SLCO1A2: variants seen among roughly 807,000 people sequenced by gnomAD.
The protein encoded by SLCO1A2 is OATP-1.
In SLCO1A2, 67 loss-of-function variants were observed where a neutral mutation model predicts 69.0. That is an observed-to-expected ratio of 0.97 (90% confidence interval 0.80 to 1.19). The LOEUF is 1.19. SLCO1A2 is among the 50% of genes most tolerant of loss of function. SLCO1A2 has a pLI of 0.00. For missense variants in SLCO1A2, 787 were observed against 793.7 expected, an observed-to-expected ratio of 0.99 and a Z score of 0.10; for synonymous variants, 260 against 265.9, an observed-to-expected ratio of 0.98 and a Z score of 0.22.
chr12:21,373,628 G>A (rs1202216649), intron 2 of SLCO1A2: 8 of 699,922 alleles, frequency 1.1e-5, no homozygotes, highest in Admixed American at 8.1e-5. Context: ...TATCTTTGAT[G>A]GAACTTCTGA....
At chr12:21,365,361 T>G (rs1237911454) in intron 2 of SLCO1A2, among the ~76,000 whole-genome samples, 3 of 152,214 alleles carry the variant, frequency 2.0e-5, no homozygotes, top group Non-Finnish European at 4.4e-5. Flanking sequence ...AAGCTGAAAC[T>G]GGATCCCTTC....
chr12:21,405,154 A>C (rs1941802679), intron 1 of SLCO1A2, among the ~76,000 whole-genome samples: 2 of 151,540 alleles, frequency 1.3e-5, no homozygotes, highest in East Asian at 3.9e-4. Context: ...GATTGCAAAA[A>C]TTTTCTCCCA....
upstream of SLCO1A2, among the ~76,000 whole-genome samples, chr12:21,400,063 A>C (rs557496230): frequency 1.3e-5 from 2 of 151,726 alleles, no homozygotes; most frequent in African/African-American, 4.8e-5. Context: ...GCACAGCGAA[A>C]GAAACTACCA....
intron 4 of SLCO1A2, among the ~76,000 whole-genome samples, chr12:21,307,892 GAA>G: frequency 6.6e-6 from 1 of 152,064 alleles, no homozygotes; most frequent in East Asian, 1.9e-4. Flanking sequence ...CTTCCCCTTA[GAA>G]CAATTGCTCA....
intron 1 of SLCO1A2, among the ~76,000 whole-genome samples, chr12:21,393,003 T>C (rs1565528913): frequency 6.8e-6 from 1 of 147,222 alleles, no homozygotes. Context: ...AATCTTACTG[T>C]GGCACATTTC....
intron 12 of SLCO1A2, among the ~76,000 whole-genome samples, chr12:21,290,821 C>A (rs1175516927): frequency 2.0e-5 from 3 of 151,846 alleles, no homozygotes; most frequent in Non-Finnish European, 4.4e-5. Context: ...GATTTTAGTA[C>A]AACAAAATTT....
chr12:21,374,507 G>T (rs1389185019), exon 2 of SLCO1A2: 1 of 152,148 alleles, frequency 6.6e-6, no homozygotes, highest in Non-Finnish European at 1.5e-5. Context: ...ATAGCAATAT[G>T]CAAAGATTTC....
chr12:21,385,065 A>G (rs951763966), intron 1 of SLCO1A2, among the ~76,000 whole-genome samples: 2 of 152,142 alleles, frequency 1.3e-5, no homozygotes, highest in Non-Finnish European at 2.9e-5. Context: ...TCGCCCGGCC[A>G]GATTTTTTTT....
In SLCO1A2 at chr12:21,292,257, C is replaced by T. The variant is rs1946986509; in HGVS notation, c.1517G>A (p.Cys506Tyr). The T allele has an allele frequency of 2.5e-6, 4 of 1,612,766 alleles. No individual in the cohort carries two copies. Among genetic ancestry groups the T allele is most frequent in the East Asian group, 2.2e-5 (1 of 44,816 alleles). Residue 506 changes from cysteine (C) to tyrosine (Y), a missense_variant, in exon 12 of 15, where the codon TGT becomes TAT. By Grantham distance (194) the Cys-to-Tyr change is radical. Coordinates refer to ENST00000683939, the MANE Select transcript of SLCO1A2 (RefSeq NM_001386879.1). The stretch of plus-strand genomic sequence containing the variant: ...TAGGAAGTACTGGAGCATCAAGGAA[C>T]AGTCAGGTCCTTTGTCGCACAGCCC... ...VLGLCDKGPD[C>Y]SLMLQYFLIL... is the part of the protein sequence containing the mutation.
rs184120321 is a variant in SLCO1A2 at position 21,318,418 on chromosome 12, G to A, written c.202+364C>T. 1.6e-3 allele frequency among the ~76,000 whole-genome samples: 243 copies of A among 151,996 alleles called. 2 individuals carry two copies. Among genetic ancestry groups the A allele is most frequent in the African/African-American group, 5.6e-3 (234 of 41,462 alleles). Reference sequence around the variant, plus strand: ...ACAGGCATGAGCCACCTCGCCCGGCGGTCTTCTACCTTTGTATCTTCTAAA... The same window carrying A: ...ACAGGCATGAGCCACCTCGCCCGGCAGTCTTCTACCTTTGTATCTTCTAAA... On this transcript the variant is annotated intron_variant, in intron 3 of 14. Transcript: ENST00000683939.
chr12:21,357,452 C>T (rs893226135), intron 2 of SLCO1A2, among the ~76,000 whole-genome samples: 1 of 152,192 alleles, frequency 6.6e-6, no homozygotes, highest in Non-Finnish European at 1.5e-5. Context: ...TAATCTTAGA[C>T]TTCTTGCCTC....
chr12:21,353,899 T>G (rs117254181), intron 2 of SLCO1A2, among the ~76,000 whole-genome samples: 1,821 of 152,312 alleles, frequency 0.012, 20 homozygotes, highest in Non-Finnish European at 0.014. Flanking sequence ...GTAAGTAATT[T>G]TTTAACTTCT....
At chr12:21,299,785 TATATAC>T (rs1293580944) in intron 8 of SLCO1A2, among the ~76,000 whole-genome samples, 10 of 116,384 alleles carry the variant, frequency 8.6e-5, no homozygotes, top group African/African-American at 3.2e-4. Context: ...TATATATATA[TATATAC>T]ACACACACGT....
At chr12:21,377,209 T>A (rs188902744) in intron 1 of SLCO1A2, among the ~76,000 whole-genome samples, 131 of 152,276 alleles carry the variant, frequency 8.6e-4, no homozygotes, top group African/African-American at 3.0e-3. Flanking sequence ...TTTAACCTAG[T>A]CTTATCATTA....
chr12:21,374,942 T>C (rs1591896951), intron 1 of SLCO1A2, among the ~76,000 whole-genome samples: 1 of 152,034 alleles, frequency 6.6e-6, no homozygotes, highest in South Asian at 2.1e-4. Flanking sequence ...GCCTCCCAAG[T>C]AGCTGGGACC....
At position 21,403,762 on chromosome 12, in the gene SLCO1A2, C is replaced by T. The variant is rs927582580; in HGVS notation, c.-312+14120G>A. 10 of 119,886 alleles carry T rather than the reference C, an allele frequency of 8.3e-5. No homozygotes were observed. The South Asian group carries it at 1.4e-3, about 17-fold the overall frequency. The allele number at this position is 119,886 out of a possible 1,614,324, so 7.4% of individuals were successfully genotyped here. On this transcript the variant is annotated intron_variant, in intron 1 of 4. Coordinates refer to the SLCO1A2 transcript ENST00000413682. ...TGGTTGTTTTTTCAAACAGTTAACT[C>T]TTACGTGGCTTTGGCTCCAATACCC...
intron 2 of SLCO1A2, among the ~76,000 whole-genome samples, chr12:21,328,432 G>A (rs947208596): frequency 6.6e-6 from 1 of 152,064 alleles, no homozygotes; most frequent in South Asian, 2.1e-4. Context: ...GAGTCACCTA[G>A]TGCCCCTCTT....
chr12:21,295,240 T>C (rs1947522223), intron 10 of SLCO1A2: 2 of 159,704 alleles, frequency 1.3e-5, no homozygotes, highest in South Asian at 1.9e-4. Flanking sequence ...TTAGTTTTAC[T>C]CAGTTATGGG....
intron 4 of SLCO1A2, among the ~76,000 whole-genome samples, chr12:21,310,751 A>C (rs1036269390): frequency 4.3e-4 from 65 of 152,086 alleles, no homozygotes; most frequent in Non-Finnish European, 5.7e-4. Context: ...TACAGGTGCC[A>C]ACCACCACGC....
Sources: allele counts gnomAD v4.1 joint callset (sites outside exome capture counted in the v4.1 genomes callset), GRCh38; gene constraint gnomAD v4.1.1; transcripts MANE v1.5; gene names NCBI Gene and HGNC (gene_info 2026-07-23, HGNC 2026-07-21).